Variants in CSMD1 observed in about 807,000 individuals in gnomAD.
CSMD1 encodes the protein CUB and Sushi multiple domains 1.
In CSMD1, 213 loss-of-function variants were observed where a neutral mutation model predicts 417.5. The observed-to-expected ratio is 0.51, with a 90% CI of 0.46 to 0.57. The LOEUF (loss-of-function observed/expected upper bound fraction) is 0.57. CSMD1 is among the 20% of genes least tolerant of loss of function. The pLI is 0.00. For synonymous variants in CSMD1, 2,862 were observed against 1,736.8 expected, an observed-to-expected ratio of 1.65 and a Z score of -16.11; for missense variants, 6,923 against 4,529.7, an observed-to-expected ratio of 1.53 and a Z score of -15.17.
intron 1 of CSMD1, among the ~76,000 whole-genome samples, chr8:4,880,656 G>A (rs1438562614): frequency 6.6e-6 from 1 of 151,952 alleles, no homozygotes; most frequent in Non-Finnish European, 1.5e-5. Flanking sequence ...TGAAGCAATC[G>A]GAAGTGGAGA....
intron 3 of CSMD1, among the ~76,000 whole-genome samples, chr8:4,250,162 A>G (rs961300253): frequency 6.6e-6 from 1 of 152,168 alleles, no homozygotes; most frequent in African/African-American, 2.4e-5. Flanking sequence ...CAGCCTCTAG[A>G]ACTGTGAACC....
At chr8:3,858,880 C>T (rs541331031) in intron 5 of CSMD1, among the ~76,000 whole-genome samples, 24 of 152,158 alleles carry the variant, frequency 1.6e-4, no homozygotes, top group East Asian at 5.8e-4. Context: ...TCAGGTTTAT[C>T]GTGACAATGT....
intron 7 of CSMD1, among the ~76,000 whole-genome samples, chr8:3,654,633 T>A (rs1798014306): frequency 6.6e-6 from 1 of 152,196 alleles, no homozygotes; most frequent in Non-Finnish European, 1.5e-5. Flanking sequence ...CAGCCTTTGA[T>A]TTGCTAGGTG....
At chr8:3,066,328 C>A (rs1428171283) in intron 49 of CSMD1, among the ~76,000 whole-genome samples, 1 of 152,182 alleles carries the variant, frequency 6.6e-6, no homozygotes, top group African/African-American at 2.4e-5. Flanking sequence ...AGTTTTAGCT[C>A]TATTTGAAGC....
At chr8:4,306,651 C>G (rs1173712608) in intron 3 of CSMD1, among the ~76,000 whole-genome samples, 2 of 152,064 alleles carry the variant, frequency 1.3e-5, no homozygotes, top group African/African-American at 2.4e-5. Context: ...TATCCATTGT[C>G]GATCACATGT....
At chr8:4,087,882 A>G (rs1166863211) in intron 3 of CSMD1, among the ~76,000 whole-genome samples, 1 of 152,116 alleles carries the variant, frequency 6.6e-6, no homozygotes, top group African/African-American at 2.4e-5. Flanking sequence ...TACCCTGCTT[A>G]ACTCTGCTCA....
chr8:3,298,908 T>A (rs77494632), intron 25 of CSMD1, among the ~76,000 whole-genome samples: 3,446 of 152,190 alleles, frequency 0.023, 129 homozygotes, highest in African/African-American at 0.075. Flanking sequence ...TACATGGGGG[T>A]GTTTCTTTTG....
Position 3,983,104 on chromosome 8 carries a change from C to T in CSMD1, c.818+14799G>A, listed in dbSNP as rs565671185. ...CTCTAATGATGTAAAACGCCTCAGA[C>T]ATCGTTATGCATCCTCCCACATCTT... On this transcript the variant is annotated intron_variant, in intron 5 of 69. Transcript: ENST00000635120. Among the ~76,000 whole-genome samples the T allele has an allele frequency of 2.7e-5, 4 of 150,942 alleles. No homozygotes were observed. In the South Asian group the frequency reaches 8.4e-4, roughly 32 times the overall value.
At chr8:4,194,945 C>T (rs776582462) in intron 3 of CSMD1, among the ~76,000 whole-genome samples, 2 of 151,654 alleles carry the variant, frequency 1.3e-5, no homozygotes, top group African/African-American at 4.9e-5. Context: ...GATTAGTCCC[C>T]GGGTGAAAAT....
chr8:4,428,032 T>C (rs1259939125), intron 2 of CSMD1, among the ~76,000 whole-genome samples: 1 of 152,186 alleles, frequency 6.6e-6, no homozygotes, highest in East Asian at 1.9e-4. Context: ...CTTGAAGCCT[T>C]TCATTGCTAT....
At chr8:3,945,131 A>T (rs1811132245) in intron 5 of CSMD1, among the ~76,000 whole-genome samples, 1 of 149,686 alleles carries the variant, frequency 6.7e-6, no homozygotes, top group Admixed American at 6.8e-5. Flanking sequence ...TTTGTAAGTG[A>T]TACACAATTT....
At chr8:4,343,689 A>T (rs1800614070) in intron 3 of CSMD1, among the ~76,000 whole-genome samples, 1 of 152,098 alleles carries the variant, frequency 6.6e-6, no homozygotes, top group African/African-American at 2.4e-5. Context: ...TGACCTTTGC[A>T]GCTTTTTCTT....
chr8:4,331,296 C>T (rs1316517401), intron 3 of CSMD1, among the ~76,000 whole-genome samples: 6 of 152,104 alleles, frequency 3.9e-5, no homozygotes, highest in Admixed American at 2.6e-4. Context: ...ATGGCAGAAG[C>T]ATCATGCTGC....
chr8:4,916,606 C>G (rs764437655), intron 1 of CSMD1, among the ~76,000 whole-genome samples: 1 of 152,204 alleles, frequency 6.6e-6, no homozygotes, highest in Non-Finnish European at 1.5e-5. Context: ...ATCAGATCAT[C>G]CTACTTGGGG....
chr8:4,450,447 G>A (rs1031932330), intron 2 of CSMD1, among the ~76,000 whole-genome samples: 2 of 152,242 alleles, frequency 1.3e-5, no homozygotes, highest in South Asian at 2.1e-4. Flanking sequence ...CCAACAGGGT[G>A]AAACCTCATC....
intron 1 of CSMD1, among the ~76,000 whole-genome samples, chr8:4,750,265 C>A (rs900357584): frequency 6.6e-6 from 1 of 152,032 alleles, no homozygotes; most frequent in Non-Finnish European, 1.5e-5. Context: ...CCTCGGCCTC[C>A]CACAGTGCTG....
intron 27 of CSMD1, among the ~76,000 whole-genome samples, chr8:3,224,136 CT>C: frequency 6.6e-6 from 1 of 152,258 alleles, no homozygotes; most frequent in Non-Finnish European, 1.5e-5. Flanking sequence ...CAAAAAATTT[CT>C]TTCCTATAAT....
intron 5 of CSMD1, among the ~76,000 whole-genome samples, chr8:3,974,582 C>A (rs1019146854): frequency 4.6e-5 from 7 of 151,756 alleles, no homozygotes; most frequent in African/African-American, 1.5e-4. Flanking sequence ...AGTGGCAATC[C>A]TTTTTCTAAT....
At chr8:3,867,976 G>GGA (rs1805223470) in intron 5 of CSMD1, among the ~76,000 whole-genome samples, 1 of 151,962 alleles carries the variant, frequency 6.6e-6, no homozygotes, top group Admixed American at 6.6e-5. Context: ...TGTCACTGTG[G>GGA]GAGACCCAAG....
Sources: gnomAD v4.1 joint callset for allele counts (sites outside exome capture counted in the v4.1 genomes callset) on GRCh38, gnomAD v4.1.1 for gene constraint, MANE v1.5 for transcripts, NCBI Gene and HGNC (gene_info 2026-07-23, HGNC 2026-07-21) for gene names.